VPS26C: variants seen among roughly 807,000 people sequenced by gnomAD.
The protein encoded by VPS26C is VPS26 endosomal protein sorting factor C.
Under a neutral mutation model 30.6 loss-of-function variants are expected in VPS26C, and 19 were observed. The observed-to-expected ratio is 0.62, with a 90% CI of 0.43 to 0.91. The LOEUF (loss-of-function observed/expected upper bound fraction) is 0.91. Ranked by LOEUF, VPS26C falls within the 40% of genes least tolerant of loss-of-function variation. The pLI is 0.00. For missense variants in VPS26C, 318 were observed against 385.1 expected, an observed-to-expected ratio of 0.83 and a Z score of 1.46; for synonymous variants, 132 against 151.5, an observed-to-expected ratio of 0.87 and a Z score of 0.95.
At chr21:37,229,051 A>C (rs374687696) in intron 5 of VPS26C, 2 of 152,082 alleles carry the variant, frequency 1.3e-5, no homozygotes, top group East Asian at 3.9e-4. Context: ...GATGTTCCCA[A>C]TTGTACAATT....
intron 1 of VPS26C, among the ~76,000 whole-genome samples, chr21:37,250,675 G>A (rs1462756349): frequency 6.6e-6 from 1 of 152,084 alleles, no homozygotes; most frequent in African/African-American, 2.4e-5. Context: ...GCCGAGGTGG[G>A]TGGATCAGGA....
chr21:37,234,801 G>A (rs900346153), intron 3 of VPS26C, among the ~76,000 whole-genome samples: 1 of 152,020 alleles, frequency 6.6e-6, no homozygotes, highest in Admixed American at 6.6e-5. Context: ...AATCATCCTT[G>A]TCTGCAAGGA....
intron 1 of VPS26C, among the ~76,000 whole-genome samples, chr21:37,263,042 G>C (rs1480646595): frequency 2.0e-5 from 3 of 152,068 alleles, no homozygotes; most frequent in African/African-American, 4.8e-5. Context: ...TGGGATTACA[G>C]GTGTGAGTCA....
chr21:37,255,819 C>A (rs2086236052), intron 1 of VPS26C, among the ~76,000 whole-genome samples: 1 of 141,826 alleles, frequency 7.1e-6, no homozygotes, highest in Non-Finnish European at 1.5e-5. Context: ...TAAATAAAGG[C>A]AAAATATTTA....
At chr21:37,228,872 A>C (rs1353541757) in intron 5 of VPS26C, 1 of 153,888 alleles carries the variant, frequency 6.5e-6, no homozygotes, top group Admixed American at 6.5e-5. Context: ...TCTCTAAAAA[A>C]TGTTTTAAAA....
chr21:37,265,375 A>G (rs980817077), intron 1 of VPS26C, among the ~76,000 whole-genome samples: 1 of 152,212 alleles, frequency 6.6e-6, no homozygotes, highest in African/African-American at 2.4e-5. Flanking sequence ...ATTTTGCCAC[A>G]TTCACTTTCT....
intron 1 of VPS26C, among the ~76,000 whole-genome samples, chr21:37,254,810 AAAAATAAAT>A (rs2086226275): frequency 1.3e-5 from 2 of 148,820 alleles, no homozygotes; most frequent in African/African-American, 5.1e-5. Flanking sequence ...TCTAGAAAAA[AAAAATAAAT>A]AAAAGAAAAG....
chr21:37,241,162 T>C (rs1264627395), intron 1 of VPS26C, among the ~76,000 whole-genome samples: 1 of 152,196 alleles, frequency 6.6e-6, no homozygotes, highest in East Asian at 1.9e-4. Flanking sequence ...CAGAAATGCC[T>C]ACTGTGAGCA....
chr21:37,232,480 T>G, intron 4 of VPS26C, 29 bp from the exon 5 acceptor site: 5 of 1,584,370 alleles, frequency 3.2e-6, no homozygotes, highest in Non-Finnish European at 4.3e-6. Context: ...CCGAAATCAG[T>G]AGGTGAAGGC....
chr21:37,227,631 GC>G, intron 7 of VPS26C, 22 bp downstream of exon 7: 1 of 1,458,954 alleles, frequency 6.9e-7, no homozygotes, highest in Non-Finnish European at 9.0e-7. Flanking sequence ...GCCCATGAGG[GC>G]TGGGAGGCGA....
At chr21:37,267,358 C>A (rs1602295558), upstream of VPS26C, 1 of 1,464,384 alleles carries the variant, frequency 6.8e-7, no homozygotes, top group East Asian at 2.3e-5. Flanking sequence ...CAAGGGGCGC[C>A]TCCCCGCTTC....
At position 37,223,973 on chromosome 21, in the gene VPS26C, C is replaced by T. The variant is rs2085873850; in HGVS notation, c.*1571G>A. The stretch of plus-strand genomic sequence containing the variant: ...AGGATTTGAAGGAAGAAATGTATTG[C>T]AATAGTCCATATCCTTCGAACCACA... On this transcript the variant is annotated 3_prime_UTR_variant, in exon 8 of 8. Transcript: ENST00000309117. 6.6e-6 allele frequency: 1 copy of T among 152,238 alleles called. No homozygotes were observed. The highest frequency in any genetic ancestry group is 2.1e-4 in the South Asian group (1 of 4,830). 9.4% of individuals were successfully genotyped at this position (152,238 alleles called of 1,614,324 possible).
intron 3 of VPS26C, among the ~76,000 whole-genome samples, chr21:37,235,264 C>T (rs1295069536): frequency 6.6e-6 from 1 of 152,160 alleles, no homozygotes; most frequent in Non-Finnish European, 1.5e-5. Context: ...TTCCAAAGTG[C>T]TGGGATTACA....
intron 1 of VPS26C, 115 bp downstream of exon 1, chr21:37,267,123 G>GGCGGGACAGCCCTGCCCCGCCTAGGGAC (rs2086373625): frequency 1.0e-6 from 1 of 964,022 alleles, no homozygotes; most frequent in Non-Finnish European, 1.6e-6. Flanking sequence ...AGACGCACCT[G>GGCGGGACAGCCCTGCCCCGCCTAGGGAC]GCGGGACAGC....
chr21:37,238,659 T>C, intron 2 of VPS26C, 50 bp from the exon 3 acceptor site: 1 of 1,598,318 alleles, frequency 6.3e-7, no homozygotes, highest in Admixed American at 1.7e-5. Flanking sequence ...GGAAATGTCC[T>C]TTCCAATTAC....
Position 37,232,367 on chromosome 21 carries a change from G to T in VPS26C, c.507+10C>A, listed in dbSNP as rs1392784051. 1 of 1,613,198 alleles carries T rather than the reference G, an allele frequency of 6.2e-7. No homozygotes were observed. The highest frequency in any genetic ancestry group is 2.2e-5 in the East Asian group (1 of 44,872). ...ATACCCACGGCATTCGCCTGTGCAG[G>T]ACGTCTTACCTCTTTGACGTTCTGT... On this transcript the variant is annotated intron_variant, in intron 5 of 7. Coordinates refer to ENST00000309117, the MANE Select transcript of VPS26C (RefSeq NM_006052.2).
upstream of VPS26C, chr21:37,267,515 G>A: frequency 1.7e-6 from 1 of 579,322 alleles, no homozygotes; most frequent in Non-Finnish European, 3.1e-6. Flanking sequence ...GGGCCGAAGC[G>A]CTGTCACGGT....
At chr21:37,246,037 T>G (rs1484563190) in intron 1 of VPS26C, among the ~76,000 whole-genome samples, 3 of 151,858 alleles carry the variant, frequency 2.0e-5, no homozygotes, top group Admixed American at 6.6e-5. Context: ...CACAAAGAGA[T>G]AAAATTGGAG....
At chr21:37,264,188 C>CATCT (rs1342840756) in intron 1 of VPS26C, among the ~76,000 whole-genome samples, 37 of 152,294 alleles carry the variant, frequency 2.4e-4, no homozygotes, top group African/African-American at 8.9e-4. Flanking sequence ...ACATAGCAAC[C>CATCT]ATCTATTTGG....
Sources: allele counts gnomAD v4.1 joint callset (sites outside exome capture counted in the v4.1 genomes callset), GRCh38; gene constraint gnomAD v4.1.1; transcripts MANE v1.5; gene names NCBI Gene and HGNC (gene_info 2026-07-23, HGNC 2026-07-21).